TMCC2: variants seen among roughly 807,000 people sequenced by gnomAD.
The protein encoded by TMCC2 is transmembrane and coiled-coil domains protein 2.
Under a neutral mutation model 49.4 loss-of-function variants are expected in TMCC2, and 16 were observed. The observed-to-expected ratio is 0.32, with a 90% confidence interval of 0.22 to 0.49. The LOEUF is 0.49. TMCC2 is among the 20% of genes least tolerant of loss of function. The pLI is 0.99. For missense variants in TMCC2, 762 were observed against 989.8 expected (o/e 0.77, Z 3.09); for synonymous variants, 397 against 434.1 (o/e 0.91, Z 1.06).
Position 205,253,454 on chromosome 1 carries a change from C to T in TMCC2, c.747+11410C>T, listed in dbSNP as rs1574851108. Reference sequence around the variant, plus strand: ...TCTGTCACCCCCGCCTCAGGCTTAACTTGGAAGGGTGGAAAGAGTGAAGCC... The same window carrying T: ...TCTGTCACCCCCGCCTCAGGCTTAATTTGGAAGGGTGGAAAGAGTGAAGCC... On this transcript the variant is annotated intron_variant, in intron 2 of 4. Transcript: ENST00000358024. Among the ~76,000 whole-genome samples, 2 of 152,274 alleles carry T rather than the reference C, an allele frequency of 1.3e-5. 1 individual carries two copies. Among genetic ancestry groups the T allele is most frequent in the East Asian group, 3.9e-4 (2 of 5,176 alleles).
rs959848503 is a variant in TMCC2 at position 205,252,958 on chromosome 1, TA to T, written c.747+10926del. On this transcript the variant is annotated intron_variant, in intron 2 of 4. Coordinates refer to ENST00000358024, the MANE Select transcript of TMCC2 (RefSeq NM_014858.4). ...CAACATAGTGAGACCTTGTCTCTCT[TA>T]AAAAAAAAAAATAATAATAATAAAA... Among the ~76,000 whole-genome samples the T allele has an allele frequency of 3.6e-3, 520 of 144,704 alleles. 2 individuals carry two copies. The highest frequency in any genetic ancestry group is 0.02 in the East Asian group (103 of 5,026). The allele number at this position is 144,704 out of a possible 152,430, so 94.9% of individuals were successfully genotyped here.
chr1:205,260,986 A>AT (rs1661087777), intron 2 of TMCC2, among the ~76,000 whole-genome samples: 1 of 152,144 alleles, frequency 6.6e-6, no homozygotes, highest in African/African-American at 2.4e-5. Flanking sequence ...TGCTATGAGC[A>AT]TTTGTGTACA....
chr1:205,245,631 GTTCA>G (rs1465993301), intron 2 of TMCC2, among the ~76,000 whole-genome samples: 1 of 152,168 alleles, frequency 6.6e-6, no homozygotes, highest in African/African-American at 2.4e-5. Context: ...ATGTTTGGAT[GTTCA>G]TTCATTCAAC....
At chr1:205,244,926 G>C (rs886197790) in intron 2 of TMCC2, among the ~76,000 whole-genome samples, 2 of 152,148 alleles carry the variant, frequency 1.3e-5, no homozygotes, top group Non-Finnish European at 2.9e-5. Context: ...TTACAATTTG[G>C]GGGGTGGGAT....
Position 205,241,708 on chromosome 1 carries a change from C to G in TMCC2, c.411C>G (p.Ser137=). Residue 137 remains serine, a synonymous_variant, in exon 2 of 5, where the codon TCC becomes TCG. Transcript: ENST00000358024. This position sits in a 1 kb window ranked among gnomAD's most constrained non-coding sequence, Gnocchi z 7.3. ...PEMHRVSYAM[S]LHDLPARPTA... ...TGCATCGCGTCTCCTACGCCATGTC[C>G]CTGCACGACCTGCCCGCCCGGCCCA... 1 of 1,613,584 alleles carries G rather than the reference C, an allele frequency of 6.2e-7. No homozygotes were observed. Among genetic ancestry groups the G allele is most frequent in the Non-Finnish European group, 8.5e-7 (1 of 1,180,008 alleles).
chr1:205,261,108 T>C (rs1661092545), intron 2 of TMCC2, among the ~76,000 whole-genome samples: 1 of 152,116 alleles, frequency 6.6e-6, no homozygotes, highest in Non-Finnish European at 1.5e-5. Context: ...ACTCCCAAAC[T>C]GTTTTCCACA....
In TMCC2 at chr1:205,272,324, C is replaced by G. The variant is rs1661634217; in HGVS notation, c.*200C>G. The G allele has an allele frequency of 8.9e-7, 1 of 1,120,448 alleles. No homozygotes were observed. The highest frequency in any genetic ancestry group is 1.7e-5 in the South Asian group (1 of 59,700). The allele number at this position is 1,120,448 out of a possible 1,614,324, so 69.4% of individuals were successfully genotyped here. A position where few individuals can be genotyped will look rare whatever the true frequency, so the allele number is the denominator to read the frequency against. On this transcript the variant is annotated 3_prime_UTR_variant, in exon 5 of 5. Transcript: ENST00000358024. ...CCTGAAGGGAGCTTAGAATGCAGCC[C>G]TACCTGGAGATAGTGCGGGCACCTG...
In TMCC2 at chr1:205,228,132, C is replaced by G. The variant is rs1002040843; in HGVS notation, c.-433C>G. On this transcript the variant is annotated 5_prime_UTR_variant, in exon 1 of 5. Transcript: ENST00000358024. Reference sequence around the variant, plus strand: ...CGGCGCCGATGGCGGCCGACTAGGACCTGCCCGGCCGGCTGCCCCGCGCCC... The same window carrying G: ...CGGCGCCGATGGCGGCCGACTAGGAGCTGCCCGGCCGGCTGCCCCGCGCCC... 3 of 150,336 alleles carry G rather than the reference C, an allele frequency of 2.0e-5. No individual in the cohort carries two copies. The highest frequency in any genetic ancestry group is 6.6e-5 in the Admixed American group (1 of 15,104). The allele number at this position is 150,336 out of a possible 1,614,324, so 9.3% of individuals were successfully genotyped here.
Position 205,241,360 on chromosome 1 carries a change from G to C in TMCC2, c.208-145G>C, listed in dbSNP as rs1660255275. On this transcript the variant is annotated intron_variant, in intron 1 of 4. Transcript: ENST00000358024. This position sits in a 1 kb window ranked among gnomAD's most constrained non-coding sequence, Gnocchi z 7.3. ...GCAAACTGACCCTTTATGCACGACGGGCCATCCACAGAGATCTTCCAGGTT... is the reference window on the plus strand; with the variant it reads ...GCAAACTGACCCTTTATGCACGACGCGCCATCCACAGAGATCTTCCAGGTT... 1.1e-6 allele frequency: 1 copy of C among 920,456 alleles called. No individual in the cohort carries two copies. The highest frequency in any genetic ancestry group is 1.7e-5 in the African/African-American group (1 of 59,580). The allele number at this position is 920,456 out of a possible 1,614,324, so 57.0% of individuals were successfully genotyped here. A position where few individuals can be genotyped will look rare whatever the true frequency, so the allele number is the denominator to read the frequency against.
Position 205,270,183 on chromosome 1 carries a change from A to G in TMCC2, c.1682+299A>G, listed in dbSNP as rs146727824. ...TGCCTCGGCCTCCTGAGTAGCTGGG[A>G]TTACAGGCACGCACCACTACACCCC... On this transcript the variant is annotated intron_variant, in intron 3 of 4. Coordinates refer to ENST00000358024, the MANE Select transcript of TMCC2 (RefSeq NM_014858.4). Among the ~76,000 whole-genome samples, 146 of 152,206 alleles carry G rather than the reference A, an allele frequency of 9.6e-4. 2 individuals are homozygous for G. Among genetic ancestry groups the G allele is most frequent in the African/African-American group, 3.3e-3 (138 of 41,520 alleles).
intron 1 of TMCC2, among the ~76,000 whole-genome samples, chr1:205,232,934 C>CAAAAAAAAAAAAAAAA (rs35561522): frequency 2.2e-5 from 1 of 45,594 alleles, no homozygotes; most frequent in South Asian, 1.3e-3. Flanking sequence ...GACCCTATCT[C>CAAAAAAAAAAAAAAAA]AAAAAAAAAA....
At chr1:205,262,519 G>C (rs1292995075) in intron 2 of TMCC2, among the ~76,000 whole-genome samples, 1 of 152,200 alleles carries the variant, frequency 6.6e-6, no homozygotes, top group African/African-American at 2.4e-5. Context: ...CCAGGGATGG[G>C]GGCAGGGACT....
chr1:205,235,592 T>A (rs1160451648), intron 1 of TMCC2, among the ~76,000 whole-genome samples: 1 of 152,186 alleles, frequency 6.6e-6, no homozygotes, highest in African/African-American at 2.4e-5. Flanking sequence ...TTTTCATCTC[T>A]CCCTTAAGAA....
chr1:205,241,654 C>T lies in TMCC2; in HGVS notation c.357C>T (p.Ser119=), dbSNP rs992038281. ...QQQQGMSDHD[S]PDEKERSPEM... is the part of the protein sequence containing the mutation. ...AGCAGGGTATGTCCGACCATGACTC[C>T]CCAGATGAGAAGGAGCGCTCTCCGG... Residue 119 remains serine, a synonymous_variant, in exon 2 of 5, where the codon TCC becomes TCT. Transcript: ENST00000358024. The surrounding 1 kb of genome is among the most constrained non-coding windows in gnomAD (Gnocchi z 7.3). 1 of 1,613,766 alleles carries T rather than the reference C, an allele frequency of 6.2e-7. No homozygotes were observed. Among genetic ancestry groups the T allele is most frequent in the African/African-American group, 1.3e-5 (1 of 74,922 alleles).
At chr1:205,259,097 C>G (rs1395904700) in intron 2 of TMCC2, among the ~76,000 whole-genome samples, 1 of 152,174 alleles carries the variant, frequency 6.6e-6, no homozygotes, top group African/African-American at 2.4e-5. Context: ...GACCCATAGA[C>G]AAGCCAGGGT....
chr1:205,267,651 C>T (rs1184789586), intron 2 of TMCC2, among the ~76,000 whole-genome samples: 1 of 152,098 alleles, frequency 6.6e-6, no homozygotes, highest in Non-Finnish European at 1.5e-5. Flanking sequence ...CGCTTTCAGC[C>T]CACCTTACAT....
rs1660287279 is a variant in TMCC2 at position 205,241,963 on chromosome 1, C to T, written c.666C>T (p.Ser222=). 2 of 1,611,550 alleles carry T rather than the reference C, an allele frequency of 1.2e-6. No homozygotes were observed. Among genetic ancestry groups the T allele is most frequent in the Non-Finnish European group, 1.7e-6 (2 of 1,179,890 alleles). ...HQHQCRPRSS[S]TTDTALLLAD... is the part of the protein sequence containing the mutation. ...ACCAGTGCCGTCCCCGCTCTTCCTC[C>T]ACCACCGACACTGCTCTGCTGCTGG... The change falls in exon 2 of 5, where the codon TCC becomes TCT. Residue 222 remains serine (S), a synonymous_variant. Coordinates refer to ENST00000358024, the MANE Select transcript of TMCC2 (RefSeq NM_014858.4). The surrounding 1 kb of genome is among the most constrained non-coding windows in gnomAD (Gnocchi z 7.3).
intron 2 of TMCC2, among the ~76,000 whole-genome samples, chr1:205,251,462 C>G (rs1334349650): frequency 1.3e-5 from 2 of 152,148 alleles, no homozygotes; most frequent in Non-Finnish European, 2.9e-5. Context: ...GATACCCCAC[C>G]ACTGGGACCC....
rs369697426 is a variant in TMCC2, at chr1:205,242,002, C to A, written c.705C>A (p.Asn235Lys). 6.2e-7 allele frequency: 1 copy of A among 1,606,840 alleles called. No individual in the cohort carries two copies. The highest frequency in any genetic ancestry group is 1.1e-5 in the South Asian group (1 of 90,384). ...CTCTGCTGCTGGCCGACGGCAGCAACGTGTACCTCCTGGCTGAGGAGGCCG... is the reference window on the plus strand; with the variant it reads ...CTCTGCTGCTGGCCGACGGCAGCAAAGTGTACCTCCTGGCTGAGGAGGCCG... ...DTALLLADGSNVYLLAEEAEG... is the reference protein window; with the variant it reads ...DTALLLADGSKVYLLAEEAEG... Residue 235 changes from asparagine (N) to lysine (K), a missense_variant, in exon 2 of 5, where the codon AAC becomes AAA. Coordinates refer to ENST00000358024, the MANE Select transcript of TMCC2 (RefSeq NM_014858.4).
Sources: gnomAD v4.1 joint callset for allele counts (sites outside exome capture counted in the v4.1 genomes callset) on GRCh38, gnomAD v4.1.1 for gene constraint, Gnocchi (gnomAD v3.1) non-coding constraint, MANE v1.5 for transcripts, NCBI Gene and HGNC (gene_info 2026-07-23, HGNC 2026-07-21) for gene names.